Variants in CAPN14 observed in about 807,000 individuals in gnomAD.
The protein encoded by CAPN14 is calpain 14.
A neutral mutation model predicts 101.3 loss-of-function variants in CAPN14; 94 were observed. The ratio of observed to expected loss-of-function variants is 0.93; its 90% CI spans 0.79 to 1.10. The LOEUF is 1.10. Among genes scored for constraint, CAPN14 ranks in the 50% least tolerant of loss-of-function variants. CAPN14 has a pLI of 0.00. For missense variants in CAPN14, 837 were observed against 828.4 expected (o/e 1.01, Z -0.13); for synonymous variants, 338 against 317.9 (o/e 1.06, Z -0.67).
chr2:31,176,244 C>G lies in CAPN14; in HGVS notation c.2028+343G>C, dbSNP rs1467244524. ...CTCAGCCAACCCACAGATACATGAG[C>G]AAGCCAGCTGAGATCCACTGACTCC... On this transcript the variant is annotated intron_variant, in intron 21 of 21. Coordinates refer to ENST00000403897, the MANE Select transcript of CAPN14 (RefSeq NM_001145122.2). Among the ~76,000 whole-genome samples the G allele has an allele frequency of 2.0e-5, 3 of 152,212 alleles. No homozygotes were observed. In the East Asian group the frequency reaches 5.8e-4, roughly 29 times the overall value.
At chr2:31,209,113 G>C (rs1682258853) in intron 1 of CAPN14, among the ~76,000 whole-genome samples, 1 of 150,642 alleles carries the variant, frequency 6.6e-6, no homozygotes, top group Admixed American at 6.6e-5. Context: ...AGGACTACAG[G>C]CTCATGCCAC....
intron 16 of CAPN14, 71 bp from the exon 17 acceptor site, chr2:31,181,071 A>T: frequency 7.6e-7 from 1 of 1,316,838 alleles, no homozygotes. Flanking sequence ...GAGCAGGAAG[A>T]GGCAGTGCTG....
chr2:31,187,852 C>T, intron 14 of CAPN14, 38 bp from the exon 15 acceptor site: 1 of 1,510,048 alleles, frequency 6.6e-7, no homozygotes, highest in Non-Finnish European at 9.0e-7. Context: ...CAATTATTCA[C>T]CTGTATAAAC....
intron 1 of CAPN14, among the ~76,000 whole-genome samples, chr2:31,208,838 T>C (rs1361931030): frequency 1.3e-5 from 2 of 152,174 alleles, no homozygotes; most frequent in African/African-American, 4.8e-5. Flanking sequence ...TGCAAATAGA[T>C]AGGTGAAGGC....
chr2:31,191,980 G>A lies in CAPN14; in HGVS notation c.1233C>T (p.Cys411=). ...VSLLQKPRHR[C]RKRKPLLAIG... is the part of the protein sequence containing the mutation. ...TGGCGAGGAGAGGCTTCCGCTTGCG[G>A]CACCTGTGCCTGGGCTTCTGGAGCA... is the stretch of plus-strand genomic sequence containing the variant. Residue 411 remains cysteine, a synonymous_variant, in exon 11 of 22, where the codon TGC becomes TGT. Coordinates refer to ENST00000403897, the MANE Select transcript of CAPN14 (RefSeq NM_001145122.2). 6.4e-7 allele frequency: 1 copy of A among 1,551,548 alleles called. No individual in the cohort carries two copies. The highest frequency in any genetic ancestry group is 8.7e-7 in the Non-Finnish European group (1 of 1,146,944).
intron 12 of CAPN14, among the ~76,000 whole-genome samples, chr2:31,190,941 C>T (rs995202363): frequency 1.3e-5 from 2 of 152,224 alleles, no homozygotes; most frequent in Non-Finnish European, 2.9e-5. Context: ...TGCTCATGCT[C>T]CTGCCACATG....
At chr2:31,232,250 T>C (rs1055542110) in intron 1 of CAPN14, among the ~76,000 whole-genome samples, 2 of 152,204 alleles carry the variant, frequency 1.3e-5, no homozygotes, top group African/African-American at 4.8e-5. Context: ...TTATCCCCTA[T>C]GGTAGAAAAT....
rs1412186543 is a variant in CAPN14, at chr2:31,181,558, C to T, written c.1646-558G>A. On this transcript the variant is annotated intron_variant, in intron 16 of 21. Coordinates refer to ENST00000403897, the MANE Select transcript of CAPN14 (RefSeq NM_001145122.2). Reference sequence around the variant, plus strand: ...TTATTATACCTTAAGTTTTAGGGTACATGTGCACAATGTGCAGGTTAGTTA... The same window carrying T: ...TTATTATACCTTAAGTTTTAGGGTATATGTGCACAATGTGCAGGTTAGTTA... Among the ~76,000 whole-genome samples, 3 of 141,524 alleles carry T rather than the reference C, an allele frequency of 2.1e-5. No individual in the cohort carries two copies. In the Admixed American group the frequency reaches 2.2e-4, roughly 10 times the overall value. 92.8% of individuals were successfully genotyped at this position (141,524 alleles called of 152,430 possible). A position where few individuals can be genotyped will look rare whatever the true frequency, so the allele number is the denominator to read the frequency against.
intron 1 of CAPN14, among the ~76,000 whole-genome samples, chr2:31,206,381 G>A (rs191401709): frequency 1.3e-5 from 2 of 152,154 alleles, no homozygotes; most frequent in Non-Finnish European, 2.9e-5. Context: ...CGAGCCGGCA[G>A]TGCATCAGAT....
At chr2:31,211,094 A>G (rs1365412962) in intron 1 of CAPN14, among the ~76,000 whole-genome samples, 1 of 152,184 alleles carries the variant, frequency 6.6e-6, no homozygotes, top group Non-Finnish European at 1.5e-5. Context: ...AGGAAAGATA[A>G]AAGATATTTC....
chr2:31,228,514 C>A (rs1231885994), intron 1 of CAPN14: 1 of 152,162 alleles, frequency 6.6e-6, no homozygotes, highest in East Asian at 1.9e-4. Flanking sequence ...AATGAGCCAT[C>A]CTCAGTTAAG....
At chr2:31,197,820 CAAGGAA>C (rs1232079425) in intron 7 of CAPN14, among the ~76,000 whole-genome samples, 4 of 152,128 alleles carry the variant, frequency 2.6e-5, no homozygotes, top group Admixed American at 1.3e-4. Flanking sequence ...TAGACCAAGC[CAAGGAA>C]CACCTGGAGC....
chr2:31,215,699 C>G (rs1256375687), intron 1 of CAPN14, among the ~76,000 whole-genome samples: 1 of 151,836 alleles, frequency 6.6e-6, no homozygotes, highest in Non-Finnish European at 1.5e-5. Flanking sequence ...GTTAACAGCC[C>G]CCTCCTCTCC....
At chr2:31,233,899 G>C (rs369007821), upstream of CAPN14, 1 of 152,440 alleles carries the variant, frequency 6.6e-6, no homozygotes, top group African/African-American at 2.4e-5. Flanking sequence ...AGAGGGCGCT[G>C]TTCCCAAATC....
chr2:31,210,945 G>C (rs1371221252), intron 1 of CAPN14, among the ~76,000 whole-genome samples: 1 of 151,536 alleles, frequency 6.6e-6, no homozygotes, highest in Admixed American at 6.6e-5. Context: ...ACTAAACAGT[G>C]ACAGTATTAC....
Position 31,174,558 on chromosome 2 carries a change from G to A in CAPN14, c.*123C>T, listed in dbSNP as rs1364689453. On this transcript the variant is annotated 3_prime_UTR_variant, in exon 22 of 22. Coordinates refer to ENST00000403897, the MANE Select transcript of CAPN14 (RefSeq NM_001145122.2). ...AAGAGAAACCTTCCCAGCTGAGAAGGTGACGGCTAGTGAGGCTGTCCTGAA... is the reference window on the plus strand; with the variant it reads ...AAGAGAAACCTTCCCAGCTGAGAAGATGACGGCTAGTGAGGCTGTCCTGAA... The A allele has an allele frequency of 8.1e-6, 8 of 991,078 alleles. No individual in the cohort carries two copies. Among genetic ancestry groups the A allele is most frequent in the Non-Finnish European group, 1.2e-5 (8 of 651,742 alleles). The allele number at this position is 991,078 out of a possible 1,614,324, so 61.4% of individuals were successfully genotyped here.
intron 16 of CAPN14, among the ~76,000 whole-genome samples, chr2:31,182,040 T>C (rs1465204176): frequency 7.2e-5 from 11 of 152,132 alleles, no homozygotes; most frequent in Middle Eastern, 3.2e-3. Context: ...ATATAGCCAG[T>C]AATGGGATGG....
At chr2:31,226,435 C>G (rs540228809) in intron 2 of CAPN14, 2 of 152,330 alleles carry the variant, frequency 1.3e-5, no homozygotes, top group African/African-American at 4.8e-5. Context: ...AGTGCCTGCA[C>G]CAGCCCTGTG....
chr2:31,208,742 G>A (rs969810476), intron 1 of CAPN14, among the ~76,000 whole-genome samples: 5 of 152,150 alleles, frequency 3.3e-5, no homozygotes, highest in African/African-American at 1.2e-4. Flanking sequence ...CTCTACAAAG[G>A]GCCAGATGGG....
Sources: allele counts gnomAD v4.1 joint callset (sites outside exome capture counted in the v4.1 genomes callset), GRCh38; gene constraint gnomAD v4.1.1; transcripts MANE v1.5; gene names NCBI Gene and HGNC (gene_info 2026-07-23, HGNC 2026-07-21).